The following RBFOX1 variants were observed in gnomAD, a reference collection of about 807,000 sequenced individuals.
RBFOX1 encodes RNA binding protein fox-1 homolog 1.
Under a neutral mutation model 57.7 loss-of-function variants are expected in RBFOX1, and 8 were observed. That is an observed-to-expected ratio of 0.14 (90% CI 0.08 to 0.25). The LOEUF is 0.25. Among genes scored for constraint, RBFOX1 ranks in the 10% least tolerant of loss-of-function variants. The pLI, the probability that RBFOX1 is intolerant of heterozygous loss-of-function variation, is 1.00. For missense variants in RBFOX1, 611 were observed against 548.5 expected, an observed-to-expected ratio of 1.11 and a Z score of -1.14; for synonymous variants, 326 against 222.4, an observed-to-expected ratio of 1.47 and a Z score of -4.15.
At chr16:6,548,562 C>T (rs1015416367) in intron 2 of RBFOX1, among the ~76,000 whole-genome samples, 4 of 152,130 alleles carry the variant, frequency 2.6e-5, no homozygotes, top group Non-Finnish European at 4.4e-5. Context: ...TCCAGGTAGT[C>T]ACAGGGATGA....
intron 4 of RBFOX1, among the ~76,000 whole-genome samples, chr16:5,972,332 G>A (rs565352494): frequency 3.3e-5 from 5 of 152,128 alleles, no homozygotes; most frequent in African/African-American, 7.2e-5. Flanking sequence ...AAAGAATTCC[G>A]GAATCAGCTT....
intron 4 of RBFOX1, among the ~76,000 whole-genome samples, chr16:5,876,995 G>A (rs1021599800): frequency 1.1e-4 from 17 of 152,312 alleles, no homozygotes; most frequent in South Asian, 4.1e-4. Context: ...AGAACGTGGT[G>A]AGTTAAATTG....
intron 4 of RBFOX1, among the ~76,000 whole-genome samples, chr16:7,287,208 T>G (rs1486111406): frequency 6.6e-6 from 1 of 152,202 alleles, no homozygotes; most frequent in Non-Finnish European, 1.5e-5. Context: ...TGATAATGTC[T>G]TGATCTATGT....
intron 3 of RBFOX1, among the ~76,000 whole-genome samples, chr16:6,884,193 C>A (rs528112982): frequency 2.0e-5 from 3 of 152,172 alleles, no homozygotes; most frequent in African/African-American, 7.2e-5. Context: ...ACAGGGCATG[C>A]TTCCTGGCTC....
chr16:7,220,268 C>T (rs1378132997), intron 4 of RBFOX1, among the ~76,000 whole-genome samples: 2 of 152,220 alleles, frequency 1.3e-5, no homozygotes, highest in African/African-American at 2.4e-5. Context: ...CAGTGGGCGT[C>T]TGGTCCTGCC....
intron 2 of RBFOX1, among the ~76,000 whole-genome samples, chr16:6,375,660 C>T (rs903768700): frequency 6.6e-6 from 1 of 152,124 alleles, no homozygotes; most frequent in African/African-American, 2.4e-5. Context: ...CCAGCCTCTT[C>T]AGCATCCAGA....
chr16:5,400,195 G>A (rs2066675221), intron 1 of RBFOX1, among the ~76,000 whole-genome samples: 1 of 151,754 alleles, frequency 6.6e-6, no homozygotes, highest in Non-Finnish European at 1.5e-5. Flanking sequence ...GGGTTCAAGC[G>A]ATTCTGCTGC....
chr16:6,051,721 G>A (rs2095553999), intron 1 of RBFOX1, among the ~76,000 whole-genome samples: 2 of 152,052 alleles, frequency 1.3e-5, no homozygotes, highest in Non-Finnish European at 2.9e-5. Flanking sequence ...CTGCCACCAT[G>A]CCCAGCTAAT....
At position 5,418,681 on chromosome 16, in the gene RBFOX1, C is replaced by G. The variant is rs8063015; in HGVS notation, c.220-48535C>G. Reference sequence around the variant, plus strand: ...CTCTCTCCCTTCCCCCTTCTTTCCTCCCTCTTCTGGCTTTCATTCGACTCC... The same window carrying G: ...CTCTCTCCCTTCCCCCTTCTTTCCTGCCTCTTCTGGCTTTCATTCGACTCC... On this transcript the variant is annotated intron_variant, in intron 1 of 2. Coordinates refer to the RBFOX1 transcript ENST00000585867. Among the ~76,000 whole-genome samples, 1,406 of 152,242 alleles carry G rather than the reference C, an allele frequency of 9.2e-3. 23 individuals are homozygous for G. Among genetic ancestry groups the G allele is most frequent in the African/African-American group, 0.032 (1,347 of 41,542 alleles).
chr16:7,152,338 G>A (rs1230794720), intron 4 of RBFOX1, among the ~76,000 whole-genome samples: 1 of 152,080 alleles, frequency 6.6e-6, no homozygotes, highest in African/African-American at 2.4e-5. Context: ...AAGGGATAAT[G>A]GACAAAAATT....
chr16:5,445,286 T>A (rs963419411), intron 1 of RBFOX1, among the ~76,000 whole-genome samples: 1 of 152,142 alleles, frequency 6.6e-6, no homozygotes, highest in African/African-American at 2.4e-5. Flanking sequence ...GAAGGTGACT[T>A]ATCTTTCTGA....
chr16:6,324,703 C>T (rs1375792405), intron 2 of RBFOX1, among the ~76,000 whole-genome samples: 1 of 152,210 alleles, frequency 6.6e-6, no homozygotes, highest in Non-Finnish European at 1.5e-5. Context: ...TACCGTTCAA[C>T]ATGAGATTTG....
chr16:7,215,385 A>C (rs1294175457), intron 4 of RBFOX1, among the ~76,000 whole-genome samples: 2 of 152,216 alleles, frequency 1.3e-5, no homozygotes, highest in African/African-American at 4.8e-5. Context: ...TTATTGCAGC[A>C]GTAATTACAA....
chr16:6,019,866 G>C lies in RBFOX1; in HGVS notation c.-253G>C. 1 of 1,534,270 alleles carries C rather than the reference G, an allele frequency of 6.5e-7. No individual in the cohort carries two copies. The highest frequency in any genetic ancestry group is 8.7e-7 in the Non-Finnish European group (1 of 1,146,150). Reference sequence around the variant, plus strand: ...CCGCGAAGTTGCGGACAGTGCGTGAGAAACCAGCACCCCCTTCCGCCGCCT... The same window carrying C: ...CCGCGAAGTTGCGGACAGTGCGTGACAAACCAGCACCCCCTTCCGCCGCCT... On this transcript the variant is annotated 5_prime_UTR_variant, in exon 1 of 16. Transcript: ENST00000550418. The surrounding 1 kb of genome is among the most constrained non-coding windows in gnomAD (Gnocchi z 4.2).
intron 1 of RBFOX1, among the ~76,000 whole-genome samples, chr16:6,087,811 C>A (rs1262648418): frequency 6.6e-6 from 1 of 152,226 alleles, no homozygotes; most frequent in Non-Finnish European, 1.5e-5. Context: ...CACCACCACA[C>A]CCAGTTAATT....
intron 4 of RBFOX1, among the ~76,000 whole-genome samples, chr16:5,930,655 A>G (rs1597836556): frequency 9.4e-5 from 2 of 21,350 alleles, no homozygotes; most frequent in African/African-American, 2.0e-4. Flanking sequence ...GGTAGGTGGG[A>G]GGGTGGGTAG....
chr16:5,250,035 C>CAGTGAGGAGGAGGTTGT (rs1320547099), intron 1 of RBFOX1, among the ~76,000 whole-genome samples: 8 of 150,666 alleles, frequency 5.3e-5, no homozygotes, highest in African/African-American at 2.0e-4. Context: ...GAGGAGGTTG[C>CAGTGAGGAGGAGGTTGT]AGTGAGGAGG....
At chr16:6,501,916 C>A (rs142220175) in intron 2 of RBFOX1, among the ~76,000 whole-genome samples, 6 of 152,278 alleles carry the variant, frequency 3.9e-5, no homozygotes, top group East Asian at 1.9e-4. Context: ...CAACAGAGAT[C>A]CTTGCAAGTG....
intron 3 of RBFOX1, among the ~76,000 whole-genome samples, chr16:6,670,611 T>C (rs947228656): frequency 6.6e-6 from 1 of 152,298 alleles, no homozygotes; most frequent in African/African-American, 2.4e-5. Flanking sequence ...ATTAAAACCA[T>C]ATAATATACC....
Sources: gnomAD v4.1 joint callset for allele counts (sites outside exome capture counted in the v4.1 genomes callset) on GRCh38, gnomAD v4.1.1 for gene constraint, Gnocchi (gnomAD v3.1) non-coding constraint, MANE v1.5 for transcripts, NCBI Gene and HGNC (gene_info 2026-07-23, HGNC 2026-07-21) for gene names.